The following TCF25 variants were observed in gnomAD, a reference collection of about 807,000 sequenced individuals.
TCF25 encodes the protein TCF25 ribosome quality control complex subunit.
A neutral mutation model predicts 83.1 loss-of-function variants in TCF25; 41 were observed. That is an observed-to-expected ratio of 0.49 (90% CI 0.38 to 0.64). The LOEUF is 0.64. TCF25 is among the 30% of genes least tolerant of loss of function. The probability of loss-of-function intolerance (pLI) is 0.00; values close to 1 mark genes in which losing one functional copy is unlikely to be tolerated. For synonymous variants in TCF25, 458 were observed against 365.0 expected, an observed-to-expected ratio of 1.25 and a Z score of -2.90; for missense variants, 979 against 914.5, an observed-to-expected ratio of 1.07 and a Z score of -0.91.
At chr16:89,874,388 C>A (rs367565634) in intron 1 of TCF25, among the ~76,000 whole-genome samples, 1 of 151,750 alleles carries the variant, frequency 6.6e-6, no homozygotes, top group African/African-American at 2.4e-5. Flanking sequence ...GGGGCCACGG[C>A]GTAGGGGCAG....
rs11538872 is a variant in TCF25, at chr16:89,911,111, G to A, written c.1904G>A (p.Gly635Asp). Residue 635 changes from glycine to aspartate, a missense_variant, in exon 18 of 18, where the codon GGT (glycine) becomes GAT (aspartate). By Grantham distance (94) the Gly-to-Asp change is moderately conservative. Coordinates refer to ENST00000263346, the MANE Select transcript of TCF25 (RefSeq NM_014972.3). ...GERPEEGVAG[G>D]LNRNQGLNRL... ...AGGCCCGAGGAAGGAGTGGCTGGGG[G>A]TCTGAACCGCAACCAGGGCCTGAAC... is the stretch of plus-strand genomic sequence containing the variant. 2 of 1,611,348 alleles carry A rather than the reference G, an allele frequency of 1.2e-6. No homozygotes were observed. Among genetic ancestry groups the A allele is most frequent in the African/African-American group, 1.3e-5 (1 of 74,878 alleles).
Position 89,904,182 on chromosome 16 carries a change from C to T in TCF25, c.1446C>T (p.Phe482=). 2.5e-6 allele frequency: 4 copies of T among 1,592,264 alleles called. No homozygotes were observed. The highest frequency in any genetic ancestry group is 3.4e-6 in the Non-Finnish European group (4 of 1,169,036). Residue 482 remains phenylalanine (F), a synonymous_variant, in exon 13 of 18, where the codon TTC becomes TTT. Coordinates refer to ENST00000263346, the MANE Select transcript of TCF25 (RefSeq NM_014972.3). ...ACGCCAGCGTTTCCAGTCACCGCTT[C>T]TTTGGACCCAATGCTGAAATAAGGT... ...RPDASVSSHR[F]FGPNAEISQP...
At chr16:89,874,518 C>G (rs2042021184) in intron 1 of TCF25, 1 of 152,670 alleles carries the variant, frequency 6.6e-6, no homozygotes, top group South Asian at 2.0e-4. Flanking sequence ...TCTGCCTAAC[C>G]CAGGGCCTTG....
At chr16:89,904,682 C>T (rs762944620) in intron 13 of TCF25, 6 of 618,644 alleles carry the variant, frequency 9.7e-6, no homozygotes, top group East Asian at 6.0e-5. Flanking sequence ...CAGATGGACC[C>T]GCCCTGGGTG....
At chr16:89,883,981 C>T (rs761644914) in intron 2 of TCF25, 1 of 175,216 alleles carries the variant, frequency 5.7e-6, no homozygotes, top group Non-Finnish European at 1.2e-5. Flanking sequence ...TGCTGCTGTG[C>T]TCCACAGCAC....
At chr16:89,902,881 C>T (rs996603987) in intron 12 of TCF25, among the ~76,000 whole-genome samples, 14 of 152,262 alleles carry the variant, frequency 9.2e-5, no homozygotes, top group Middle Eastern at 3.4e-3. Context: ...ATCCCTTTCT[C>T]GGTTCTGTGG....
chr16:89,873,878 CG>C lies in TCF25; in HGVS notation c.192+22del. The C allele has an allele frequency of 2.6e-6, 1 of 386,080 alleles. No individual in the cohort carries two copies. Among genetic ancestry groups the C allele is most frequent in the Non-Finnish European group, 3.7e-6 (1 of 273,276 alleles). The allele number at this position is 386,080 out of a possible 1,614,324, so 23.9% of individuals were successfully genotyped here. ...CGAGCTGGTGAGGAGCGCGGCGGCCCGGGTGGGGGTGGGGTGGCCCTTGACG... is the reference window on the plus strand; with the variant it reads ...CGAGCTGGTGAGGAGCGCGGCGGCCCGGTGGGGGTGGGGTGGCCCTTGACG... On this transcript the variant is annotated intron_variant, in intron 1 of 17. Transcript: ENST00000263346.
At chr16:89,888,202 G>C (rs2043158639) in intron 5 of TCF25, among the ~76,000 whole-genome samples, 1 of 152,106 alleles carries the variant, frequency 6.6e-6, no homozygotes, top group African/African-American at 2.4e-5. Flanking sequence ...GGAGGCAGAG[G>C]TTGCAATGAG....
intron 3 of TCF25, among the ~76,000 whole-genome samples, chr16:89,885,459 G>C (rs2042931641): frequency 6.6e-6 from 1 of 152,160 alleles, no homozygotes; most frequent in Non-Finnish European, 1.5e-5. Flanking sequence ...GAGCTAGTCT[G>C]TCATCAGAAA....
intron 13 of TCF25, 151 bp from the exon 14 acceptor site, chr16:89,904,787 C>A: frequency 1.1e-6 from 1 of 924,226 alleles, no homozygotes; most frequent in African/African-American, 1.6e-5. Context: ...CAGCCCCACG[C>A]CCTCAGGCCA....
chr16:89,901,396 C>T (rs1377793887), intron 12 of TCF25, among the ~76,000 whole-genome samples: 1 of 151,672 alleles, frequency 6.6e-6, no homozygotes, highest in Non-Finnish European at 1.5e-5. Context: ...GAAATCCCTC[C>T]TTAAGACGAG....
chr16:89,885,748 C>A, intron 3 of TCF25, 100 bp from the exon 4 acceptor site: 1 of 948,860 alleles, frequency 1.1e-6, no homozygotes, highest in Non-Finnish European at 1.7e-6. Flanking sequence ...GAAGTAAATA[C>A]AGTGTAATAG....
At chr16:89,897,055 A>T (rs962495615) in intron 9 of TCF25, among the ~76,000 whole-genome samples, 1 of 151,510 alleles carries the variant, frequency 6.6e-6, no homozygotes, top group African/African-American at 2.4e-5. Flanking sequence ...GAAGAAGAAG[A>T]AGTGAGCCTG....
intron 16 of TCF25, among the ~76,000 whole-genome samples, chr16:89,908,646 A>G (rs1189248217): frequency 2.0e-5 from 2 of 101,694 alleles, no homozygotes; most frequent in Admixed American, 9.2e-5. Flanking sequence ...CCCACCTCCC[A>G]GCTCCCACCT....
chr16:89,905,873 C>T (rs993046665), intron 14 of TCF25, among the ~76,000 whole-genome samples: 10 of 152,258 alleles, frequency 6.6e-5, no homozygotes, highest in Admixed American at 6.5e-5. Context: ...TGGTGACACA[C>T]CCAGGTGTCC....
At position 89,883,462 on chromosome 16, in the gene TCF25, A is replaced by G; in HGVS notation, c.304A>G (p.Thr102Ala). The G allele has an allele frequency of 1.2e-6, 2 of 1,613,844 alleles. No homozygotes were observed. The highest frequency in any genetic ancestry group is 1.7e-6 in the Non-Finnish European group (2 of 1,179,944). Reference sequence around the variant, plus strand: ...CAAAGGAAGGGGTCAGCGTGGAAACACAGAGAGCAAGACGGATGGAGATGA... The same window carrying G: ...CAAAGGAAGGGGTCAGCGTGGAAACGCAGAGAGCAAGACGGATGGAGATGA... ...GNKGRGQRGNTESKTDGDDTE... is the reference protein window; with the variant it reads ...GNKGRGQRGNAESKTDGDDTE... The change falls in exon 2 of 18, where the codon ACA becomes GCA. Residue 102 changes from threonine (T) to alanine (A), a missense_variant. Thr to Ala is a moderately conservative substitution (Grantham distance 58). Coordinates refer to ENST00000263346, the MANE Select transcript of TCF25 (RefSeq NM_014972.3).
intron 1 of TCF25, among the ~76,000 whole-genome samples, chr16:89,882,186 C>T (rs911064854): frequency 6.6e-6 from 1 of 152,210 alleles, no homozygotes; most frequent in Non-Finnish European, 1.5e-5. Flanking sequence ...TCCTAAGATT[C>T]ATCCATATTG....
At position 89,893,781 on chromosome 16, in the gene TCF25, G is replaced by C; in HGVS notation, c.751G>C (p.Glu251Gln). 6.2e-7 allele frequency: 1 copy of C among 1,613,624 alleles called. No individual in the cohort carries two copies. The highest frequency in any genetic ancestry group is 1.3e-5 in the African/African-American group (1 of 75,036). ...AAAAGGCCTCTCCTTCTTTGCGTTT[G>C]AGCACAGTGAGGAGTACCAGCAGGC... ...SKKGLSFFAF[E>Q]HSEEYQQAQH... The change falls in exon 7 of 18, where the codon GAG (glutamate) becomes CAG (glutamine). Residue 251 changes from glutamate (E) to glutamine (Q), a missense_variant. Physicochemically the swap from Glu to Gln is conservative, Grantham distance 29. Coordinates refer to ENST00000263346, the MANE Select transcript of TCF25 (RefSeq NM_014972.3).
rs1299052660 is a variant in TCF25 at position 89,889,222 on chromosome 16, T to C, written c.614+1505T>C. 5.0e-6 allele frequency: 2 copies of C among 399,284 alleles called. 1 individual carries two copies. The highest frequency in any genetic ancestry group is 9.8e-6 in the Non-Finnish European group (2 of 204,818). The allele number at this position is 399,284 out of a possible 1,614,324, so 24.7% of individuals were successfully genotyped here. ...ATTTATTTATTTTTATTTTTTTATT[T>C]TTTAGAGACAGGGTCTTGCTGGGTT... On this transcript the variant is annotated intron_variant, in intron 5 of 17. Coordinates refer to ENST00000263346, the MANE Select transcript of TCF25 (RefSeq NM_014972.3).
Sources: allele counts gnomAD v4.1 joint callset (sites outside exome capture counted in the v4.1 genomes callset), GRCh38; gene constraint gnomAD v4.1.1; transcripts MANE v1.5; gene names NCBI Gene and HGNC (gene_info 2026-07-23, HGNC 2026-07-21).